FCHO1: variants seen among roughly 807,000 people sequenced by gnomAD.
FCHO1 encodes the protein FCH and mu domain containing endocytic adaptor 1.
A neutral mutation model predicts 114.4 loss-of-function variants in FCHO1; 45 were observed. The observed-to-expected ratio is 0.39, with a 90% CI of 0.31 to 0.50. FCHO1 has a LOEUF of 0.50. Ranked by LOEUF, FCHO1 falls within the 20% of genes least tolerant of loss-of-function variation. The probability of loss-of-function intolerance (pLI) is 0.77; values close to 1 mark genes in which losing one functional copy is unlikely to be tolerated. For missense variants in FCHO1, 1,042 were observed against 1,209.6 expected (o/e 0.86, Z 2.06); for synonymous variants, 480 against 488.9 (o/e 0.98, Z 0.24).
chr19:17,755,750 G>A (rs1381473172), intron 4 of FCHO1: 1 of 152,542 alleles, frequency 6.6e-6, no homozygotes, highest in Non-Finnish European at 1.5e-5. Context: ...GGGTCTCCAA[G>A]AGAATCCATC....
chr19:17,785,914 G>A (rs1433547164), intron 26 of FCHO1, among the ~76,000 whole-genome samples: 1 of 151,434 alleles, frequency 6.6e-6, no homozygotes, highest in African/African-American at 2.4e-5. Flanking sequence ...GATCACTTGA[G>A]CCCAGGAGTT....
chr19:17,755,078 T>C (rs1426368672), intron 3 of FCHO1, 40 bp from the exon 4 acceptor site: 9 of 1,311,858 alleles, frequency 6.9e-6, no homozygotes, highest in Non-Finnish European at 7.7e-6. Flanking sequence ...AAGCCCACAC[T>C]GGCAATGACT....
At chr19:17,780,528 A>C (rs767686809) in intron 20 of FCHO1, among the ~76,000 whole-genome samples, 2 of 151,986 alleles carry the variant, frequency 1.3e-5, no homozygotes, top group Non-Finnish European at 2.9e-5. Flanking sequence ...CAGTGTCTGG[A>C]GACATTTTTG....
chr19:17,766,683 T>A lies in FCHO1; in HGVS notation c.209T>A (p.Leu70His), dbSNP rs370442783. ...CCCGCCCCCAGGACCTTCGCCCCGC[T>A]CTGGGAGGTCTTCCGCGTCTCCTCG... is the stretch of plus-strand genomic sequence containing the variant. ...NGTPMGTFAP[L>H]WEVFRVSSDK... The change falls in exon 7 of 29, where the codon CTC becomes CAC. Residue 70 changes from leucine to histidine, a missense_variant. This residue lies in a region of FCHO1 where 450 missense variants were observed against 564.1 expected (regional missense o/e 0.80). Coordinates refer to ENST00000596536, the MANE Select transcript of FCHO1 (RefSeq NM_015122.3). 9 of 1,613,946 alleles carry A rather than the reference T, an allele frequency of 5.6e-6. No individual in the cohort carries two copies. Among genetic ancestry groups the A allele is most frequent in the Non-Finnish European group, 7.6e-6 (9 of 1,180,008 alleles).
intron 26 of FCHO1, 104 bp downstream of exon 26, chr19:17,785,028 T>A: frequency 1.8e-6 from 2 of 1,133,176 alleles, no homozygotes; most frequent in Non-Finnish European, 2.6e-6. Flanking sequence ...GCCTGACCGT[T>A]AACTGTGAGC....
Position 17,776,700 on chromosome 19 carries a change from G to C in FCHO1, c.1259+14G>C. ...CAGAACCAGCAGGTGGGTTCCACAC[G>C]AGTGGGCAGGTGGGGGCTGTCCCCA... On this transcript the variant is annotated intron_variant, in intron 18 of 28. Transcript: ENST00000596536. The surrounding 1 kb of genome is among the most constrained non-coding windows in gnomAD (Gnocchi z 4.4). The C allele has an allele frequency of 6.2e-7, 1 of 1,613,286 alleles. No homozygotes were observed. The highest frequency in any genetic ancestry group is 2.2e-5 in the East Asian group (1 of 44,868).
intron 11 of FCHO1, 30 bp from the exon 12 acceptor site, chr19:17,774,209 C>T (rs376934071): frequency 1.9e-6 from 3 of 1,612,810 alleles, no homozygotes; most frequent in African/African-American, 2.7e-5. Flanking sequence ...GTGCCCAGCC[C>T]CTCAATTGAG....
intron 6 of FCHO1, among the ~76,000 whole-genome samples, 159 bp downstream of exon 6, chr19:17,764,608 T>C (rs2087950043): frequency 6.6e-6 from 1 of 152,200 alleles, no homozygotes; most frequent in Admixed American, 6.5e-5. Flanking sequence ...CACTAGCTCA[T>C]TCATTCATTC....
chr19:17,761,174 G>A (rs1309104894), intron 4 of FCHO1, among the ~76,000 whole-genome samples: 3 of 152,200 alleles, frequency 2.0e-5, no homozygotes, highest in African/African-American at 7.2e-5. Context: ...GAACTCAAAT[G>A]CCCTTTCTGT....
At chr19:17,768,621 G>A (rs1397613291) in intron 7 of FCHO1, among the ~76,000 whole-genome samples, 1 of 151,660 alleles carries the variant, frequency 6.6e-6, no homozygotes, top group Non-Finnish European at 1.5e-5. Context: ...TTGAGCCTGG[G>A]AGGTGGAGGT....
At chr19:17,781,182 A>C (rs766057986) in intron 20 of FCHO1, 49 bp from the exon 21 acceptor site, 32 of 1,402,800 alleles carry the variant, frequency 2.3e-5, no homozygotes, top group Non-Finnish European at 2.9e-5. Context: ...GGGAGGCCCC[A>C]GAGGCCCCGG....
intron 13 of FCHO1, 181 bp downstream of exon 13, chr19:17,774,659 C>T: frequency 1.7e-6 from 1 of 604,930 alleles, no homozygotes; most frequent in Non-Finnish European, 2.9e-6. Flanking sequence ...CTCAATATTA[C>T]CGCTGCCCAA....
At chr19:17,768,424 G>T (rs976599013) in intron 7 of FCHO1, among the ~76,000 whole-genome samples, 1 of 151,938 alleles carries the variant, frequency 6.6e-6, no homozygotes, top group African/African-American at 2.4e-5. Flanking sequence ...AGGAGCGATG[G>T]CTCATGCCTG....
In FCHO1 at chr19:17,788,340, C is replaced by A; in HGVS notation, c.*34C>A. ...ATGCTGCTGCCCCAGCTCTACACTGCGCCCTGGTGCTGGCTGACCACCCCC... is the reference window on the plus strand; with the variant it reads ...ATGCTGCTGCCCCAGCTCTACACTGAGCCCTGGTGCTGGCTGACCACCCCC... On this transcript the variant is annotated 3_prime_UTR_variant, in exon 29 of 29. Transcript: ENST00000596536. The A allele has an allele frequency of 6.3e-7, 1 of 1,585,518 alleles. No homozygotes were observed. The highest frequency in any genetic ancestry group is 8.6e-7 in the Non-Finnish European group (1 of 1,160,560).
At chr19:17,766,939 G>A (rs1028318502) in intron 7 of FCHO1, 129 bp downstream of exon 7, 1 of 1,038,354 alleles carries the variant, frequency 9.6e-7, no homozygotes. Flanking sequence ...ATTCCACAAC[G>A]TCAAGCCCAG....
At position 17,784,795 on chromosome 19, in the gene FCHO1, C is replaced by A. The variant is rs574454836; in HGVS notation, c.2297C>A (p.Thr766Asn). The change falls in exon 26 of 29, where the codon ACC (threonine) becomes AAC (asparagine). Residue 766 changes from threonine (T) to asparagine (N), a missense_variant. Thr to Asn is a moderately conservative substitution (Grantham distance 65). Around this residue, in one of 3 missense-constraint regions of FCHO1, gnomAD observed 137 missense variants for 190.0 expected, o/e 0.72. Coordinates refer to ENST00000596536, the MANE Select transcript of FCHO1 (RefSeq NM_015122.3). The surrounding 1 kb of genome is among the most constrained non-coding windows in gnomAD (Gnocchi z 5.3). ...SAHWQCGATL[T>N]QVSVEYGYRP... ...CACTGGCAGTGTGGAGCCACCCTCA[C>A]CCAGGTCTCAGTGGAGTACGGCTAC... The A allele has an allele frequency of 6.2e-7, 1 of 1,614,144 alleles. No homozygotes were observed. The highest frequency in any genetic ancestry group is 1.3e-5 in the African/African-American group (1 of 75,070).
At position 17,755,152 on chromosome 19, in the gene FCHO1, A is replaced by G. The variant is rs1313387690; in HGVS notation, c.-13A>G. 3 of 1,612,476 alleles carry G rather than the reference A, an allele frequency of 1.9e-6. No homozygotes were observed. Among genetic ancestry groups the G allele is most frequent in the South Asian group, 2.2e-5 (2 of 90,966 alleles). On this transcript the variant is annotated 5_prime_UTR_variant, in exon 4 of 29. Transcript: ENST00000596536. ...GGACGGGGCCTGCAGGGGTCTCCAC[A>G]GAGACCATCAGGATGTCGTATTTTG...
chr19:17,757,872 TAC>T, intron 4 of FCHO1, among the ~76,000 whole-genome samples: 1 of 119,942 alleles, frequency 8.3e-6, no homozygotes, highest in South Asian at 2.8e-4. Flanking sequence ...GCCAAGATCA[TAC>T]CACTGGACTC....
rs371516818 is a variant in FCHO1, at chr19:17,765,856, T to C, written c.195-813T>C. On this transcript the variant is annotated intron_variant, in intron 6 of 28. Transcript: ENST00000596536. ...AGTGGGGCAGGCCAAATTGACTCGA[T>C]TGGGGCATGTGGTGTCTTAGTCACT... Among the ~76,000 whole-genome samples the C allele has an allele frequency of 3.9e-4, 58 of 148,326 alleles. No homozygotes were observed. In the East Asian group the frequency reaches 6.7e-3, roughly 17 times the overall value.
Sources: gnomAD v4.1 joint callset for allele counts (sites outside exome capture counted in the v4.1 genomes callset) on GRCh38, gnomAD v4.1.1 for gene constraint, gnomAD v4.1.1 regional missense constraint, Gnocchi (gnomAD v3.1) non-coding constraint, MANE v1.5 for transcripts, NCBI Gene and HGNC (gene_info 2026-07-23, HGNC 2026-07-21) for gene names.